Variants in SNAP25 observed in about 807,000 individuals in gnomAD.
The protein encoded by SNAP25 is synaptosome associated protein 25.
Under a neutral mutation model 28.7 loss-of-function variants are expected in SNAP25, and 3 were observed. The observed-to-expected ratio is 0.10, with a 90% CI of 0.05 to 0.27. The LOEUF (loss-of-function observed/expected upper bound fraction) is 0.27. Among genes scored for constraint, SNAP25 ranks in the 10% least tolerant of loss-of-function variants. The probability of loss-of-function intolerance (pLI) is 1.00; values close to 1 mark genes in which losing one functional copy is unlikely to be tolerated. For synonymous variants in SNAP25, 61 were observed against 88.1 expected (o/e 0.69, Z 1.72); for missense variants, 117 against 278.7 (o/e 0.42, Z 4.13).
intron 1 of SNAP25, among the ~76,000 whole-genome samples, chr20:10,255,058 C>T (rs543822281): frequency 6.6e-6 from 1 of 152,274 alleles, no homozygotes; most frequent in East Asian, 1.9e-4. Context: ...ATAGAGGGAT[C>T]CCTTCTCCCC....
chr20:10,223,882 C>T (rs930565286), intron 1 of SNAP25, among the ~76,000 whole-genome samples: 4 of 152,154 alleles, frequency 2.6e-5, no homozygotes, highest in Non-Finnish European at 5.9e-5. Flanking sequence ...CCCACAGACA[C>T]ATATGTTCAG....
chr20:10,300,249 A>G (rs368078401), intron 7 of SNAP25, among the ~76,000 whole-genome samples: 8 of 152,128 alleles, frequency 5.3e-5, no homozygotes, highest in African/African-American at 1.9e-4. Flanking sequence ...ACGTTCCTAT[A>G]AAGAGACCTA....
intron 7 of SNAP25, among the ~76,000 whole-genome samples, chr20:10,303,719 C>G (rs2064293484): frequency 6.6e-6 from 1 of 152,162 alleles, no homozygotes; most frequent in Non-Finnish European, 1.5e-5. Context: ...GAATCGTTGT[C>G]TTCACCTCTG....
rs190543935 is a variant in SNAP25 at position 10,265,847 on chromosome 20, C to T, written c.-63-9582C>T. 3.3e-5 allele frequency among the ~76,000 whole-genome samples: 5 copies of T among 152,300 alleles called. No homozygotes were observed. In the East Asian group the frequency reaches 7.7e-4, roughly 24 times the overall value. On this transcript the variant is annotated intron_variant, in intron 1 of 7. Transcript: ENST00000254976. ...GTGATTTAGGGCAGCACTTCTCAAA[C>T]TTAGTGCTTGATATGTTGTTCAGTA... is the stretch of plus-strand genomic sequence containing the variant.
chr20:10,251,998 A>T (rs2063237803), intron 1 of SNAP25, among the ~76,000 whole-genome samples: 1 of 152,158 alleles, frequency 6.6e-6, no homozygotes, highest in Non-Finnish European at 1.5e-5. Flanking sequence ...CAAAGTTCAT[A>T]AGCTTGCTTT....
chr20:10,292,957 A>T (rs1424404021), intron 4 of SNAP25: 1 of 1,613,736 alleles, frequency 6.2e-7, no homozygotes, highest in Non-Finnish European at 8.5e-7. Context: ...AATTTAAAAG[A>T]TTTAGGGAAA....
chr20:10,306,190 G>C lies in SNAP25; in HGVS notation c.614G>C (p.Ser205Thr). ...ANQRATKMLG[S>T]G is the part of the protein sequence containing the mutation. ...CAACGTGCAACAAAGATGCTGGGAA[G>C]TGGTTAAGTGTGCCCACCCGTGTTC... Residue 205 changes from serine to threonine, a missense_variant, in exon 8 of 8, where the codon AGT becomes ACT. Physicochemically the swap from Ser to Thr is moderately conservative, Grantham distance 58 (BLOSUM62 1). Transcript: ENST00000254976. The C allele has an allele frequency of 6.2e-7, 1 of 1,613,538 alleles. No individual in the cohort carries two copies. Among genetic ancestry groups the C allele is most frequent in the Non-Finnish European group, 8.5e-7 (1 of 1,179,766 alleles).
chr20:10,275,459 AG>A lies in SNAP25; in HGVS notation c.-32del, dbSNP rs1257364019. The A allele has an allele frequency of 6.3e-7, 1 of 1,578,544 alleles. No individual in the cohort carries two copies. The highest frequency in any genetic ancestry group is 1.2e-5 in the South Asian group (1 of 86,130). Reference sequence around the variant, plus strand: ...GAGCCAAACCCGTCACTGACCCCCCAGCCCAGGCGCCCAGCCACTCCCCACC... The same window carrying A: ...GAGCCAAACCCGTCACTGACCCCCCACCCAGGCGCCCAGCCACTCCCCACC... On this transcript the variant is annotated 5_prime_UTR_variant, in exon 2 of 8. Transcript: ENST00000254976.
At chr20:10,285,091 A>T (rs187530806) in intron 4 of SNAP25, among the ~76,000 whole-genome samples, 43 of 152,308 alleles carry the variant, frequency 2.8e-4, no homozygotes, top group African/African-American at 9.9e-4. Flanking sequence ...TTTTCTTATT[A>T]TCTTTGCCCC....
intron 4 of SNAP25, among the ~76,000 whole-genome samples, chr20:10,288,001 G>A (rs1027604739): frequency 2.0e-5 from 3 of 151,346 alleles, no homozygotes; most frequent in Non-Finnish European, 4.4e-5. Context: ...ACACTCTGGG[G>A]ACTCTTGTGG....
intron 1 of SNAP25, among the ~76,000 whole-genome samples, chr20:10,253,501 G>A (rs906064338): frequency 1.3e-5 from 2 of 152,154 alleles, no homozygotes; most frequent in Non-Finnish European, 2.9e-5. Context: ...ACATAGAGCT[G>A]GTGGGACTAT....
intron 3 of SNAP25, among the ~76,000 whole-genome samples, chr20:10,279,029 C>T (rs1466843757): frequency 5.9e-5 from 9 of 152,192 alleles, no homozygotes; most frequent in Admixed American, 5.9e-4. Context: ...CGGAAGGCAG[C>T]CCTAGCAAAG....
At chr20:10,260,454 A>G (rs1434800162) in intron 1 of SNAP25, among the ~76,000 whole-genome samples, 1 of 151,864 alleles carries the variant, frequency 6.6e-6, no homozygotes, top group African/African-American at 2.4e-5. Context: ...TAAAACAAAC[A>G]AACAAAAAAA....
chr20:10,300,166 A>G (rs1323773181), intron 7 of SNAP25, among the ~76,000 whole-genome samples: 2 of 151,362 alleles, frequency 1.3e-5, no homozygotes, highest in Non-Finnish European at 2.9e-5. Context: ...CATAAGAAAG[A>G]CTGGAGGGAG....
At chr20:10,297,229 C>T (rs933222514) in intron 6 of SNAP25, among the ~76,000 whole-genome samples, 179 bp downstream of exon 6, 3 of 152,152 alleles carry the variant, frequency 2.0e-5, no homozygotes, top group Admixed American at 6.5e-5. Flanking sequence ...AAGATGGCCC[C>T]ATTCACTTGT....
At chr20:10,300,458 T>C (rs911155398) in intron 7 of SNAP25, among the ~76,000 whole-genome samples, 2 of 152,224 alleles carry the variant, frequency 1.3e-5, no homozygotes, top group Admixed American at 1.3e-4. Flanking sequence ...GGGTAACTTA[T>C]GTTGTGTGTT....
intron 1 of SNAP25, among the ~76,000 whole-genome samples, chr20:10,273,096 C>T (rs1178470111): frequency 1.3e-5 from 2 of 152,158 alleles, no homozygotes; most frequent in African/African-American, 4.8e-5. Context: ...GATCTAGGAC[C>T]TGCCTCTGGG....
At chr20:10,249,025 C>T (rs1001949403) in intron 1 of SNAP25, among the ~76,000 whole-genome samples, 4 of 152,164 alleles carry the variant, frequency 2.6e-5, no homozygotes, top group African/African-American at 9.7e-5. Flanking sequence ...GATAAATAGG[C>T]CATGGACACA....
At chr20:10,281,393 A>G (rs1600745879) in intron 3 of SNAP25, among the ~76,000 whole-genome samples, 2 of 152,328 alleles carry the variant, frequency 1.3e-5, no homozygotes, top group East Asian at 1.9e-4. Flanking sequence ...AGAAGCTGTC[A>G]GCAAAAGAGT....
Sources: allele counts gnomAD v4.1 joint callset (sites outside exome capture counted in the v4.1 genomes callset), GRCh38; gene constraint gnomAD v4.1.1; transcripts MANE v1.5; gene names NCBI Gene and HGNC (gene_info 2026-07-23, HGNC 2026-07-21).